SHISA9: variants seen among roughly 807,000 people sequenced by gnomAD.
SHISA9 encodes the protein shisa family member 9, also known as protein shisa-9.
Under a neutral mutation model 38.0 loss-of-function variants are expected in SHISA9, and 13 were observed. That is an observed-to-expected ratio of 0.34 (90% CI 0.22 to 0.54). The LOEUF (loss-of-function observed/expected upper bound fraction) is 0.54, where lower values mean the gene tolerates loss of function less well. Ranked by LOEUF, SHISA9 falls within the 20% of genes least tolerant of loss-of-function variation. The probability of loss-of-function intolerance (pLI) is 0.91; values close to 1 mark genes in which losing one functional copy is unlikely to be tolerated. For missense variants in SHISA9, 538 were observed against 575.8 expected, an observed-to-expected ratio of 0.93 and a Z score of 0.67; for synonymous variants, 275 against 242.0, an observed-to-expected ratio of 1.14 and a Z score of -1.27.
chr16:13,234,322 T>C (rs1260676620), intron 4 of SHISA9, among the ~76,000 whole-genome samples: 1 of 152,228 alleles, frequency 6.6e-6, no homozygotes. Context: ...TGGTGGTAGA[T>C]AATATCTAAG....
At chr16:13,245,245 A>G (rs34522561), downstream of SHISA9, among the ~76,000 whole-genome samples, 49,953 of 152,050 alleles carry the variant, frequency 0.33, 8,597 homozygotes, top group South Asian at 0.51. Context: ...ATTGAGGGAC[A>G]TGCTAAATTT....
chr16:13,179,354 T>A lies in SHISA9; in HGVS notation c.692-24040T>A, dbSNP rs181139437. Among the ~76,000 whole-genome samples, 3 of 152,240 alleles carry A rather than the reference T, an allele frequency of 2.0e-5. No homozygotes were observed. The East Asian group carries it at 5.8e-4, about 29-fold the overall frequency. On this transcript the variant is annotated intron_variant, in intron 2 of 4. Transcript: ENST00000558583. ...ACAAAACAAAACAAAATCTCTCTGATGTCTGTTGAGTGCTGGCTCTGTGCT... is the reference window on the plus strand; with the variant it reads ...ACAAAACAAAACAAAATCTCTCTGAAGTCTGTTGAGTGCTGGCTCTGTGCT...
chr16:12,995,789 CATTT>C (rs1206860127), intron 2 of SHISA9, among the ~76,000 whole-genome samples: 1 of 152,160 alleles, frequency 6.6e-6, no homozygotes, highest in Non-Finnish European at 1.5e-5. Flanking sequence ...AGTTTTATCT[CATTT>C]ATCCATTTAA....
chr16:13,456,861 T>C, the SHISA9 span, among the ~76,000 whole-genome samples: 2 of 152,238 alleles, frequency 1.3e-5, no homozygotes, highest in Non-Finnish European at 2.9e-5. Flanking sequence ...TCATCACATG[T>C]TGATGCCAGG....
At chr16:13,164,371 TA>T (rs2050618892) in intron 2 of SHISA9, among the ~76,000 whole-genome samples, 1 of 152,158 alleles carries the variant, frequency 6.6e-6, no homozygotes, top group Non-Finnish European at 1.5e-5. Context: ...TATATATTGC[TA>T]AATTTAGTTT....
chr16:13,209,456 C>T (rs1403269294), intron 3 of SHISA9, among the ~76,000 whole-genome samples: 2 of 152,204 alleles, frequency 1.3e-5, no homozygotes, highest in Non-Finnish European at 2.9e-5. Flanking sequence ...GTCTAGACCT[C>T]TTCAAGTTCC....
At chr16:13,019,884 CTTCTTTCT>C (rs1166778591) in intron 2 of SHISA9, among the ~76,000 whole-genome samples, 471 of 20,776 alleles carry the variant, frequency 0.023, 7 homozygotes, top group African/African-American at 0.029. Flanking sequence ...CCCTCCCTCC[CTTCTTTCT>C]TTCTTTCTTT....
intron 2 of SHISA9, among the ~76,000 whole-genome samples, chr16:13,031,918 C>T (rs2072995369): frequency 6.6e-6 from 1 of 152,150 alleles, no homozygotes; most frequent in South Asian, 2.1e-4. Flanking sequence ...ACATAAAATA[C>T]ACACACCTCA....
At chr16:13,100,011 C>A (rs2073863226) in intron 2 of SHISA9, among the ~76,000 whole-genome samples, 1 of 152,172 alleles carries the variant, frequency 6.6e-6, no homozygotes, top group South Asian at 2.1e-4. Flanking sequence ...GGATGGGACT[C>A]AGCAGGAGGT....
chr16:13,486,937 CA>C, the SHISA9 span, among the ~76,000 whole-genome samples: 2 of 152,226 alleles, frequency 1.3e-5, no homozygotes, highest in African/African-American at 4.8e-5. Context: ...CTCCCGACCT[CA>C]GGTGATCCAC....
At chr16:13,356,267 A>C in the SHISA9 span, among the ~76,000 whole-genome samples, 1 of 152,216 alleles carries the variant, frequency 6.6e-6, no homozygotes, top group African/African-American at 2.4e-5. Flanking sequence ...AGATTGGGTA[A>C]TAAAATGTAT....
the SHISA9 span, among the ~76,000 whole-genome samples, chr16:13,446,989 A>G: frequency 6.6e-6 from 1 of 151,324 alleles, no homozygotes; most frequent in African/African-American, 2.4e-5. Context: ...CAAAAAAGAA[A>G]AAAAAAAAAG....
rs1392058082 is a variant in SHISA9 at position 12,984,005 on chromosome 16, GT to G, written c.691+67197del. ...GTACCCATTCTACTTGGCTGTTGGT[GT>G]TTTTTTAAAAAATGTAAATACTTGC... On this transcript the variant is annotated intron_variant, in intron 2 of 4. Coordinates refer to ENST00000558583, the MANE Select transcript of SHISA9 (RefSeq NM_001145204.3). Among the ~76,000 whole-genome samples, 3 of 152,104 alleles carry G rather than the reference GT, an allele frequency of 2.0e-5. No homozygotes were observed. In the South Asian group the frequency reaches 6.2e-4, roughly 32 times the overall value.
intron 2 of SHISA9, among the ~76,000 whole-genome samples, chr16:13,175,471 G>A (rs1398057058): frequency 1.3e-5 from 2 of 152,176 alleles, no homozygotes; most frequent in African/African-American, 2.4e-5. Flanking sequence ...GATGACAAAA[G>A]TTATTTGCAG....
chr16:12,961,173 A>C (rs111493204), intron 2 of SHISA9, among the ~76,000 whole-genome samples: 1 of 152,190 alleles, frequency 6.6e-6, no homozygotes, highest in African/African-American at 2.4e-5. Context: ...ACAGTGGAAT[A>C]GCAACCCAGG....
the SHISA9 span, among the ~76,000 whole-genome samples, chr16:13,264,170 CTTT>C: frequency 2.4e-5 from 3 of 124,312 alleles, no homozygotes; most frequent in Admixed American, 1.7e-4. Context: ...TGTTTTAAAT[CTTT>C]TTTTTTTTTT....
At chr16:12,984,077 T>A (rs949082434) in intron 2 of SHISA9, among the ~76,000 whole-genome samples, 3 of 152,134 alleles carry the variant, frequency 2.0e-5, no homozygotes, top group Admixed American at 2.0e-4. Flanking sequence ...GGGCTCTTCA[T>A]ATGGGACCTG....
chr16:13,379,911 T>G, the SHISA9 span, among the ~76,000 whole-genome samples: 1 of 152,210 alleles, frequency 6.6e-6, no homozygotes, highest in Non-Finnish European at 1.5e-5. Context: ...CATTATAGTA[T>G]AGTTAATGAA....
intron 2 of SHISA9, among the ~76,000 whole-genome samples, chr16:13,073,934 G>A (rs535844358): frequency 6.6e-6 from 1 of 151,270 alleles, no homozygotes; most frequent in East Asian, 2.0e-4. Flanking sequence ...CTCTAGAACC[G>A]TGAGAATAAA....
Sources: gnomAD v4.1 joint callset for allele counts (sites outside exome capture counted in the v4.1 genomes callset) on GRCh38, gnomAD v4.1.1 for gene constraint, MANE v1.5 for transcripts, NCBI Gene and HGNC (gene_info 2026-07-23, HGNC 2026-07-21) for gene names.